TTN: variants seen among roughly 807,000 people sequenced by gnomAD.
TTN encodes connectin.
TTN carries 1,525 observed loss-of-function variants against 3,223.0 expected under a neutral mutation model. The ratio of observed to expected loss-of-function variants is 0.47; its 90% CI spans 0.45 to 0.49. The LOEUF (loss-of-function observed/expected upper bound fraction) is 0.49. Ranked by LOEUF, TTN falls within the 20% of genes least tolerant of loss-of-function variation. The probability of loss-of-function intolerance (pLI) is 0.00; values close to 1 mark genes in which losing one functional copy is unlikely to be tolerated. For synonymous variants in TTN, 14,094 were observed against 15,161.0 expected (o/e 0.93, Z 5.17); for missense variants, 40,786 against 43,424.0 (o/e 0.94, Z 5.40).
chr2:178,588,476 G>A (rs952351783), intron 304 of TTN, 62 bp downstream of exon 304: 20 of 1,446,282 alleles, frequency 1.4e-5, no homozygotes, highest in East Asian at 1.2e-4. Context: ...CTTATTTATC[G>A]AATACTTCTG....
chr2:178,575,634 A>T lies in TTN; in HGVS notation c.70498T>A (p.Ser23500Thr). Residue 23500 changes from serine (S) to threonine (T), a missense_variant, in exon 326 of 363, where the codon TCT becomes ACT. Transcript: ENST00000589042. The surrounding 1 kb of genome is among the most constrained non-coding windows in gnomAD (Gnocchi z 4.0). ...HKCTYKVTGL[S>T]EGCEYFFRVM... ...CTGAAGAAATATTCACACCCTTCAG[A>T]CAAGCCGGTAACTTTATATGTGCAT... is the stretch of plus-strand genomic sequence containing the variant. 1 of 1,613,566 alleles carries T rather than the reference A, an allele frequency of 6.2e-7. No homozygotes were observed.
chr2:178,686,400 G>T (rs1036306552), intron 127 of TTN, among the ~76,000 whole-genome samples: 6 of 145,922 alleles, frequency 4.1e-5, no homozygotes, highest in African/African-American at 1.5e-4. Flanking sequence ...GATTACAGGC[G>T]TGAGCCACCG....
Position 178,738,207 on chromosome 2 carries a change from C to A in TTN, c.14246G>T (p.Arg4749Leu). 1 of 1,613,646 alleles carries A rather than the reference C, an allele frequency of 6.2e-7. No individual in the cohort carries two copies. The highest frequency in any genetic ancestry group is 8.5e-7 in the Non-Finnish European group (1 of 1,179,764). Reference sequence around the variant, plus strand: ...AAGGCTGGAGATATACTTTGAAGATCGAATAGAACACTTGTCACTCTCATA... The same window carrying A: ...AAGGCTGGAGATATACTTTGAAGATAGAATAGAACACTTGTCACTCTCATA... ...EIYESDKCSI[R>L]SSKYISSLEI... Residue 4749 changes from arginine (R) to leucine (L), a missense_variant, in exon 49 of 363, where the codon CGA (arginine) becomes CTA (leucine). Physicochemically the swap from Arg to Leu is moderately radical, Grantham distance 102 (BLOSUM62 -2). Coordinates refer to ENST00000589042, the MANE Select transcript of TTN (RefSeq NM_001267550.2).
chr2:178,584,149 T>C, intron 311 of TTN, 127 bp downstream of exon 311: 2 of 1,143,618 alleles, frequency 1.7e-6, no homozygotes, highest in Middle Eastern at 2.6e-4. Context: ...TATTCTTAAA[T>C]GGGAGTTGTA....
In TTN at chr2:178,619,765, C is replaced by T; in HGVS notation, c.46552G>A (p.Val15518Ile). ...TGGTGTTTATCACCCTGGACAACAACCATGTTATTTCTTAGCCATTGGACT... is the reference window on the plus strand; with the variant it reads ...TGGTGTTTATCACCCTGGACAACAATCATGTTATTTCTTAGCCATTGGACT... Reference protein sequence around the residue: ...VEVQWLRNNMVVVQGDKHQMM... With the variant: ...VEVQWLRNNMIVVQGDKHQMM... The change falls in exon 250 of 363, where the codon GTT becomes ATT. Residue 15518 changes from valine to isoleucine, a missense_variant. By Grantham distance (29) the Val-to-Ile change is conservative (BLOSUM62 3). Coordinates refer to ENST00000589042, the MANE Select transcript of TTN (RefSeq NM_001267550.2). The T allele has an allele frequency of 6.2e-7, 1 of 1,612,350 alleles. No homozygotes were observed. Among genetic ancestry groups the T allele is most frequent in the Non-Finnish European group, 8.5e-7 (1 of 1,178,888 alleles).
At chr2:178,742,904 C>T (rs2082746857) in intron 47 of TTN, 1 of 152,164 alleles carries the variant, frequency 6.6e-6, no homozygotes, top group Middle Eastern at 3.4e-3. Context: ...GAAGACAGGA[C>T]TCAAGTGTCT....
intron 13 of TTN, among the ~76,000 whole-genome samples, chr2:178,786,823 C>T (rs1195552213): frequency 6.6e-6 from 1 of 152,168 alleles, no homozygotes; most frequent in African/African-American, 2.4e-5. Context: ...TGTTTGGATT[C>T]AAGAGAACAA....
At position 178,594,078 on chromosome 2, in the gene TTN, G is replaced by A. The variant is rs368847168; in HGVS notation, c.58315C>T (p.Pro19439Ser). 7 of 1,613,302 alleles carry A rather than the reference G, an allele frequency of 4.3e-6. No individual in the cohort carries two copies. The highest frequency in any genetic ancestry group is 1.1e-5 in the South Asian group (1 of 91,066). Residue 19439 changes from proline to serine, a missense_variant, in exon 297 of 363, where the codon CCA becomes TCA. Transcript: ENST00000589042. ...EDDRTHIKTT[P>S]ATLALEKIKA... ...ATCTTCTCTAAAGCAAGTGTTGCTG[G>A]TGTAGTCTTTATATGAGTGCGATCA...
intron 2 of TTN, 114 bp from the exon 3 acceptor site, chr2:178,802,455 A>G: frequency 8.7e-7 from 1 of 1,155,406 alleles, no homozygotes; most frequent in South Asian, 1.4e-5. Context: ...CCAGCATGGA[A>G]TGCCACTTAA....
intron 140 of TTN, 94 bp downstream of exon 140, chr2:178,679,800 T>C (rs1285557453): frequency 1.9e-6 from 3 of 1,555,804 alleles, no homozygotes; most frequent in African/African-American, 1.4e-5. Context: ...TAAGCAATCA[T>C]TGGTGCTGCC....
rs775343253 is a variant in TTN at position 178,533,443 on chromosome 2, G to A, written c.103172C>T (p.Pro34391Leu). ...CFEIRVSGIP[P>L]PTLKWEKDGQ... Reference sequence around the variant, plus strand: ...ATCTTTCTCCCATTTTAATGTTGGTGGGGGGATGCCAGACACTCTGATCTC... The same window carrying A: ...ATCTTTCTCCCATTTTAATGTTGGTAGGGGGATGCCAGACACTCTGATCTC... The change falls in exon 358 of 363, where the codon CCA becomes CTA. Residue 34391 changes from proline (P) to leucine (L), a missense_variant. By Grantham distance (98) the Pro-to-Leu change is moderately conservative. Coordinates refer to ENST00000589042, the MANE Select transcript of TTN (RefSeq NM_001267550.2). 33 of 1,613,600 alleles carry A rather than the reference G, an allele frequency of 2.0e-5. No homozygotes were observed. Among genetic ancestry groups the A allele is most frequent in the Non-Finnish European group, 2.6e-5 (31 of 1,179,806 alleles).
rs1188641505 is a variant in TTN, at chr2:178,646,104, T to TTTTTTATA, written c.40298-75_40298-74insTATAAAAA. ...GGATATGTAGTATATTTAATAGAAA[T>TTTTTTATA]TATATATATATATATATATATATAT... On this transcript the variant is annotated intron_variant, in intron 216 of 362. Coordinates refer to ENST00000589042, the MANE Select transcript of TTN (RefSeq NM_001267550.2). 1.6e-4 allele frequency: 6 copies of TTTTTTATA among 37,648 alleles called. 1 individual carries two copies. Among genetic ancestry groups the TTTTTTATA allele is most frequent in the South Asian group, 1.8e-3 (2 of 1,096 alleles). 2.3% of individuals were successfully genotyped at this position (37,648 alleles called of 1,614,324 possible).
Position 178,575,347 on chromosome 2 carries a change from T to C in TTN, c.70785A>G (p.Leu23595=), listed in dbSNP as rs918782056. The C allele has an allele frequency of 3.1e-6, 5 of 1,613,448 alleles. 1 individual carries two copies. In the Admixed American group the frequency reaches 5.0e-5, roughly 16 times the overall value. Residue 23595 remains leucine (L), a synonymous_variant, in exon 326 of 363, where the codon CTA becomes CTG. Coordinates refer to ENST00000589042, the MANE Select transcript of TTN (RefSeq NM_001267550.2). The surrounding 1 kb of genome is among the most constrained non-coding windows in gnomAD (Gnocchi z 4.0). The part of the protein sequence containing the change: ...VKGLECVVRN[L]TEGEEYTFQV... ...GGAAGGTATATTCCTCTCCTTCAGT[T>C]AGATTCCTCACAACACATTCTAACC...
Position 178,563,229 on chromosome 2 carries a change from T to C in TTN, c.82903A>G (p.Lys27635Glu). 1.2e-6 allele frequency: 2 copies of C among 1,613,736 alleles called. No homozygotes were observed. Among genetic ancestry groups the C allele is most frequent in the Non-Finnish European group, 1.7e-6 (2 of 1,179,716 alleles). ...TTATATTCAGTGTTTTCTTTAAGCT[T>C]GGTCACTGTGAACTGCTTTCCTTGT... ...GLQGKQFTVT[K>E]LKENTEYNFR... Residue 27635 changes from lysine to glutamate, a missense_variant, in exon 326 of 363, where the codon AAG (lysine) becomes GAG (glutamate). By Grantham distance (56) the Lys-to-Glu change is moderately conservative. Coordinates refer to ENST00000589042, the MANE Select transcript of TTN (RefSeq NM_001267550.2). This position sits in a 1 kb window ranked among gnomAD's most constrained non-coding sequence, Gnocchi z 4.5.
chr2:178,748,022 G>C, intron 47 of TTN: 1 of 1,612,970 alleles, frequency 6.2e-7, no homozygotes, highest in Non-Finnish European at 8.5e-7. Flanking sequence ...CTTTGGAAAT[G>C]CTGCCAACTC....
intron 33 of TTN, 129 bp from the exon 34 acceptor site, chr2:178,771,600 G>C (rs1561237070): frequency 3.0e-6 from 4 of 1,343,816 alleles, no homozygotes; most frequent in Non-Finnish European, 4.2e-6. Context: ...GTCTATGATT[G>C]TTTTTACCCA....
At chr2:178,622,825 TA>T in intron 242 of TTN, 58 bp from the exon 243 acceptor site, 3 of 1,239,318 alleles carry the variant, frequency 2.4e-6, no homozygotes, top group Non-Finnish European at 3.4e-6. Context: ...ACTCTGACAT[TA>T]CCATAGTATA....
Position 178,534,107 on chromosome 2 carries a change from A to C in TTN, c.102508T>G (p.Trp34170Gly), listed in dbSNP as rs778786999. The C allele has an allele frequency of 6.2e-7, 1 of 1,613,954 alleles. No homozygotes were observed. Among genetic ancestry groups the C allele is most frequent in the Non-Finnish European group, 8.5e-7 (1 of 1,179,856 alleles). The change falls in exon 358 of 363, where the codon TGG (tryptophan) becomes GGG (glycine). Residue 34170 changes from tryptophan (W) to glycine (G), a missense_variant. Coordinates refer to ENST00000589042, the MANE Select transcript of TTN (RefSeq NM_001267550.2). Reference sequence around the variant, plus strand: ...TCCAGCTGTCGGACGCCAAAGTACCAAGTCACTTGGGTAGACTGATCATAA... The same window carrying C: ...TCCAGCTGTCGGACGCCAAAGTACCCAGTCACTTGGGTAGACTGATCATAA... ...ENYDQSTQVT[W>G]YFGVRQLENS...
At chr2:178,764,154 A>G (rs755344874) in intron 43 of TTN, 23 bp downstream of exon 43, 2 of 1,614,078 alleles carry the variant, frequency 1.2e-6, no homozygotes, top group South Asian at 2.2e-5. Context: ...ATTGGCAATG[A>G]CACCTTTTGT....
Sources: gnomAD v4.1 joint callset for allele counts (sites outside exome capture counted in the v4.1 genomes callset) on GRCh38, gnomAD v4.1.1 for gene constraint, Gnocchi (gnomAD v3.1) non-coding constraint, MANE v1.5 for transcripts, NCBI Gene and HGNC (gene_info 2026-07-23, HGNC 2026-07-21) for gene names.